CEMIP: variants seen among roughly 807,000 people sequenced by gnomAD.
The protein encoded by CEMIP is cell migration inducing hyaluronidase 1, also known as cell migration-inducing and hyaluronan-binding protein.
A neutral mutation model predicts 156.9 loss-of-function variants in CEMIP; 105 were observed. The ratio of observed to expected loss-of-function variants is 0.67; its 90% CI spans 0.57 to 0.79. The LOEUF (loss-of-function observed/expected upper bound fraction) is 0.79. CEMIP is among the 30% of genes least tolerant of loss of function. The probability of loss-of-function intolerance (pLI) is 0.00; values close to 1 mark genes in which losing one functional copy is unlikely to be tolerated. For synonymous variants in CEMIP, 676 were observed against 668.4 expected (o/e 1.01, Z -0.17); for missense variants, 1,457 against 1,769.4 (o/e 0.82, Z 3.17).
chr15:80,797,296 A>G (rs1038575322), intron 1 of CEMIP, among the ~76,000 whole-genome samples: 2 of 152,070 alleles, frequency 1.3e-5, no homozygotes, highest in African/African-American at 4.8e-5. Flanking sequence ...TGTAGACACA[A>G]CCTCCATCGC....
chr15:80,879,888 C>T lies in CEMIP; in HGVS notation c.380+34C>T, dbSNP rs754296470. On this transcript the variant is annotated intron_variant, in intron 5 of 29. Coordinates refer to ENST00000394685, the MANE Select transcript of CEMIP (RefSeq NM_001293298.2). Reference sequence around the variant, plus strand: ...ACCACTCCTACAGATCAAATGCTACCCATGGATCTGACAAGAGGGAGACTT... The same window carrying T: ...ACCACTCCTACAGATCAAATGCTACTCATGGATCTGACAAGAGGGAGACTT... 1.2e-5 allele frequency: 19 copies of T among 1,613,012 alleles called. No individual in the cohort carries two copies. The East Asian group carries it at 4.2e-4, about 36-fold the overall frequency.
At chr15:80,834,514 G>C (rs1897228130) in intron 1 of CEMIP, among the ~76,000 whole-genome samples, 1 of 152,194 alleles carries the variant, frequency 6.6e-6, no homozygotes, top group Non-Finnish European at 1.5e-5. Flanking sequence ...AATTGACTCA[G>C]CAACTTTTAT....
rs1252579507 is a variant in CEMIP at position 80,795,523 on chromosome 15, G to T, written c.-176+15909G>T. ...CAGGAGAACTCCCAGGTGGTGGGAT[G>T]AGCATCTAGGTGGATGTTAGGAAGA... On this transcript the variant is annotated intron_variant, in intron 1 of 29. Transcript: ENST00000394685. 2.0e-5 allele frequency among the ~76,000 whole-genome samples: 3 copies of T among 152,140 alleles called. No homozygotes were observed. The East Asian group carries it at 5.8e-4, about 29-fold the overall frequency.
At chr15:80,807,292 A>T (rs188556615) in intron 1 of CEMIP, among the ~76,000 whole-genome samples, 24 of 149,814 alleles carry the variant, frequency 1.6e-4, no homozygotes, top group Middle Eastern at 3.5e-3. Flanking sequence ...GTGCAGTGGC[A>T]CAATCATAGC....
intron 28 of CEMIP, 132 bp downstream of exon 28, chr15:80,943,234 C>T: frequency 1.0e-6 from 1 of 973,756 alleles, no homozygotes; most frequent in African/African-American, 1.6e-5. Flanking sequence ...ACAGCCTGCC[C>T]ACAAATCATG....
intron 1 of CEMIP, among the ~76,000 whole-genome samples, chr15:80,871,594 C>T (rs1006400251): frequency 6.6e-6 from 1 of 152,182 alleles, no homozygotes; most frequent in East Asian, 1.9e-4. Flanking sequence ...CCCAGCCTGC[C>T]TCCCATACCC....
intron 1 of CEMIP, among the ~76,000 whole-genome samples, chr15:80,784,121 G>T (rs1395173245): frequency 6.6e-6 from 1 of 152,180 alleles, no homozygotes; most frequent in Non-Finnish European, 1.5e-5. Context: ...ATATCTTTGA[G>T]TCTTCTGGAA....
intron 1 of CEMIP, among the ~76,000 whole-genome samples, chr15:80,803,373 T>C (rs1242409165): frequency 1.3e-5 from 2 of 152,138 alleles, no homozygotes; most frequent in Non-Finnish European, 2.9e-5. Flanking sequence ...ATTCTCCTGA[T>C]AGATGTGTGG....
intron 10 of CEMIP, among the ~76,000 whole-genome samples, chr15:80,893,897 T>G (rs544427774): frequency 5.1e-4 from 78 of 151,738 alleles, no homozygotes; most frequent in South Asian, 1.2e-3. Context: ...GTCCCTTTGG[T>G]CTCTATGCCA....
chr15:80,862,446 T>A (rs1596141005), intron 1 of CEMIP, among the ~76,000 whole-genome samples: 1 of 152,042 alleles, frequency 6.6e-6, no homozygotes, highest in Admixed American at 6.5e-5. Context: ...AGGTTTAAGG[T>A]GGAGAGCGAC....
At chr15:80,889,896 C>G (rs1325938749) in intron 10 of CEMIP, among the ~76,000 whole-genome samples, 1 of 152,222 alleles carries the variant, frequency 6.6e-6, no homozygotes, top group Non-Finnish European at 1.5e-5. Context: ...AGCCTCACTT[C>G]CCCGTCAATT....
intron 14 of CEMIP, among the ~76,000 whole-genome samples, chr15:80,911,445 G>T (rs535573209): frequency 1.3e-5 from 2 of 152,284 alleles, no homozygotes; most frequent in South Asian, 4.1e-4. Context: ...TAAAGAGAAA[G>T]ATATTAAGAT....
chr15:80,843,059 G>T (rs563240066), intron 1 of CEMIP, among the ~76,000 whole-genome samples: 1 of 152,326 alleles, frequency 6.6e-6, no homozygotes, highest in Admixed American at 6.5e-5. Flanking sequence ...CCTTTAAAAT[G>T]CTGGTGGGAC....
chr15:80,805,528 G>T (rs1428396828), intron 1 of CEMIP, among the ~76,000 whole-genome samples: 1 of 152,198 alleles, frequency 6.6e-6, no homozygotes, highest in East Asian at 1.9e-4. Flanking sequence ...CTCAGGAGTA[G>T]TGTTGTTCTT....
chr15:80,878,715 T>C lies in CEMIP; in HGVS notation c.95-6T>C. ...GGGAGCAGTGACATCTCTCTGTCCT[T>C]GGCAGTGGCTGCTGGGTGCCCTGAC... On this transcript the variant is annotated splice_region_variant and splice_polypyrimidine_tract_variant and intron_variant, in intron 3 of 29. Transcript: ENST00000394685. 2 of 1,614,126 alleles carry C rather than the reference T, an allele frequency of 1.2e-6. No individual in the cohort carries two copies. Among genetic ancestry groups the C allele is most frequent in the Non-Finnish European group, 1.7e-6 (2 of 1,180,018 alleles).
chr15:80,829,331 TTCAGC>T (rs1897105814), intron 1 of CEMIP, among the ~76,000 whole-genome samples: 1 of 152,212 alleles, frequency 6.6e-6, no homozygotes, highest in African/African-American at 2.4e-5. Context: ...CTGATCCTCA[TTCAGC>T]TGCTGCTGTT....
At chr15:80,938,141 ACATTT>A in intron 25 of CEMIP, 162 bp downstream of exon 25, 1 of 638,682 alleles carries the variant, frequency 1.6e-6, no homozygotes, top group South Asian at 1.8e-5. Flanking sequence ...TACATTAACG[ACATTT>A]TTAAAGCTAT....
chr15:80,840,834 C>T (rs1258101315), intron 1 of CEMIP, among the ~76,000 whole-genome samples: 1 of 152,214 alleles, frequency 6.6e-6, no homozygotes. Context: ...AGCAGGCTTT[C>T]TGGAGTGGAC....
intron 1 of CEMIP, among the ~76,000 whole-genome samples, chr15:80,863,176 G>A (rs558139683): frequency 6.6e-6 from 1 of 152,290 alleles, no homozygotes; most frequent in South Asian, 2.1e-4. Context: ...TCAATTGAGG[G>A]TAATGCTTAA....
Sources: gnomAD v4.1 joint callset for allele counts (sites outside exome capture counted in the v4.1 genomes callset) on GRCh38, gnomAD v4.1.1 for gene constraint, MANE v1.5 for transcripts, NCBI Gene and HGNC (gene_info 2026-07-23, HGNC 2026-07-21) for gene names.